The following ROBO1 variants were observed in gnomAD, a reference collection of about 807,000 sequenced individuals.
ROBO1 encodes roundabout guidance receptor 1.
ROBO1 carries 149 observed loss-of-function variants against 195.9 expected under a neutral mutation model. The observed-to-expected ratio is 0.76, with a 90% confidence interval of 0.67 to 0.87. The LOEUF is 0.87. ROBO1 is among the 40% of genes least tolerant of loss of function. ROBO1 has a pLI of 0.00. For synonymous variants in ROBO1, 816 were observed against 733.2 expected, an observed-to-expected ratio of 1.11 and a Z score of -1.82; for missense variants, 1,933 against 2,068.3, an observed-to-expected ratio of 0.93 and a Z score of 1.27.
intron 2 of ROBO1, among the ~76,000 whole-genome samples, chr3:79,457,156 G>C (rs570164348): frequency 4.2e-4 from 64 of 152,170 alleles, no homozygotes; most frequent in Admixed American, 9.8e-4. Context: ...GACATTCAAG[G>C]CATACAATCA....
At chr3:78,738,020 G>A (rs2082432365) in intron 5 of ROBO1, among the ~76,000 whole-genome samples, 1 of 152,170 alleles carries the variant, frequency 6.6e-6, no homozygotes, top group Non-Finnish European at 1.5e-5. Context: ...CTCTAGGGGA[G>A]AGGAGGGGAA....
At chr3:79,358,899 T>A (rs1281081922) in intron 2 of ROBO1, among the ~76,000 whole-genome samples, 2 of 152,006 alleles carry the variant, frequency 1.3e-5, no homozygotes, top group African/African-American at 4.8e-5. Context: ...GTCCTGAATA[T>A]TTTTTGGCCA....
chr3:79,586,085 A>C (rs57350553), intron 2 of ROBO1, among the ~76,000 whole-genome samples: 66,216 of 151,704 alleles, frequency 0.44, 14,621 homozygotes, highest in African/African-American at 0.5. Context: ...AGATTTCTGG[A>C]ATTCATTTAC....
At chr3:79,567,350 C>T (rs1256100625) in intron 2 of ROBO1, among the ~76,000 whole-genome samples, 1 of 152,058 alleles carries the variant, frequency 6.6e-6, no homozygotes, top group African/African-American at 2.4e-5. Flanking sequence ...ACATGTTTTC[C>T]TGGGTAACAA....
At chr3:79,218,300 C>CTAGG (rs2108818910) in intron 2 of ROBO1, among the ~76,000 whole-genome samples, 1 of 152,040 alleles carries the variant, frequency 6.6e-6, no homozygotes, top group South Asian at 2.1e-4. Flanking sequence ...CAGCAATATG[C>CTAGG]TAGGATTCCC....
At chr3:79,102,307 G>A (rs72894167) in intron 3 of ROBO1, among the ~76,000 whole-genome samples, 1,650 of 151,542 alleles carry the variant, frequency 0.011, 35 homozygotes, top group African/African-American at 0.038. Context: ...TTACCTGAAC[G>A]ACTACAGATA....
intron 5 of ROBO1, among the ~76,000 whole-genome samples, chr3:78,726,738 G>A (rs942052568): frequency 2.6e-5 from 4 of 152,182 alleles, no homozygotes; most frequent in Non-Finnish European, 5.9e-5. Flanking sequence ...AGGTAACCCA[G>A]ATGGCCAGTC....
chr3:78,809,481 C>A (rs1483270725), intron 4 of ROBO1, among the ~76,000 whole-genome samples: 3 of 152,254 alleles, frequency 2.0e-5, no homozygotes, highest in Admixed American at 2.0e-4. Flanking sequence ...CCAGCAATCC[C>A]ATTACTGGGT....
intron 26 of ROBO1, among the ~76,000 whole-genome samples, chr3:78,621,389 A>G (rs2107434715): frequency 6.6e-6 from 1 of 152,336 alleles, no homozygotes; most frequent in East Asian, 1.9e-4. Context: ...AGAAAGATGC[A>G]GAATGGCCGA....
chr3:79,684,847 T>C (rs1015649218), intron 1 of ROBO1, among the ~76,000 whole-genome samples: 1 of 151,922 alleles, frequency 6.6e-6, no homozygotes, highest in Admixed American at 6.6e-5. Flanking sequence ...GGTTAATTTT[T>C]TGTATTTTAG....
chr3:79,587,358 AC>A (rs1167303009), intron 2 of ROBO1, among the ~76,000 whole-genome samples: 1 of 151,834 alleles, frequency 6.6e-6, no homozygotes, highest in African/African-American at 2.4e-5. Context: ...TAATAAAATA[AC>A]TGGCATTGAG....
intron 2 of ROBO1, among the ~76,000 whole-genome samples, chr3:79,406,201 T>TA (rs796310337): frequency 7.3e-6 from 1 of 137,556 alleles, no homozygotes; most frequent in African/African-American, 2.7e-5. Context: ...GATGTGATGC[T>TA]AAAAAAAATA....
At chr3:79,748,226 T>G (rs1028381228) in intron 1 of ROBO1, among the ~76,000 whole-genome samples, 1 of 152,208 alleles carries the variant, frequency 6.6e-6, no homozygotes, top group Non-Finnish European at 1.5e-5. Context: ...AGCTACCTGA[T>G]AGTGAGATAT....
intron 2 of ROBO1, among the ~76,000 whole-genome samples, chr3:79,133,512 C>T (rs1290455550): frequency 1.0e-4 from 10 of 97,976 alleles, no homozygotes; most frequent in Non-Finnish European, 1.4e-4. Context: ...ACATAGTTCT[C>T]GAGCCTTGGT....
chr3:78,697,163 T>C (rs1278957845), intron 8 of ROBO1, among the ~76,000 whole-genome samples: 1 of 151,804 alleles, frequency 6.6e-6, no homozygotes, highest in South Asian at 2.1e-4. Flanking sequence ...AAATCTTCTA[T>C]GTACTAAGAA....
chr3:78,669,352 C>T (rs1317617829), intron 11 of ROBO1, among the ~76,000 whole-genome samples: 3 of 152,178 alleles, frequency 2.0e-5, no homozygotes, highest in African/African-American at 7.2e-5. Context: ...ACTGTTGTGG[C>T]ACTTAAAGTG....
At chr3:78,920,949 G>C (rs2038910025) in intron 4 of ROBO1, among the ~76,000 whole-genome samples, 1 of 151,818 alleles carries the variant, frequency 6.6e-6, no homozygotes, top group Non-Finnish European at 1.5e-5. Context: ...CCAAAGTGTT[G>C]GTTATAACAG....
At chr3:78,677,724 G>C (rs1225368474) in intron 10 of ROBO1, among the ~76,000 whole-genome samples, 1 of 152,046 alleles carries the variant, frequency 6.6e-6, no homozygotes, top group Admixed American at 6.5e-5. Context: ...CAATAATAAT[G>C]GGCGACTTTA....
At chr3:79,620,997 C>A (rs1316552825) in intron 1 of ROBO1, among the ~76,000 whole-genome samples, 1 of 152,110 alleles carries the variant, frequency 6.6e-6, no homozygotes, top group East Asian at 1.9e-4. Context: ...TGGTGCCAAA[C>A]CCATATACTC....
Sources: gnomAD v4.1 joint callset for allele counts (sites outside exome capture counted in the v4.1 genomes callset) on GRCh38, gnomAD v4.1.1 for gene constraint, MANE v1.5 for transcripts, NCBI Gene and HGNC (gene_info 2026-07-23, HGNC 2026-07-21) for gene names.